The following ESR1 variants were observed in gnomAD, a reference collection of about 807,000 sequenced individuals.
ESR1 encodes the protein estrogen receptor.
A neutral mutation model predicts 52.7 loss-of-function variants in ESR1; 12 were observed. That is an observed-to-expected ratio of 0.23 (90% CI 0.15 to 0.37). The LOEUF is 0.37. Among genes scored for constraint, ESR1 ranks in the 10% least tolerant of loss-of-function variants. The pLI, the probability that ESR1 is intolerant of heterozygous loss-of-function variation, is 1.00. For missense variants in ESR1, 584 were observed against 779.7 expected, an observed-to-expected ratio of 0.75 and a Z score of 2.99; for synonymous variants, 305 against 316.8, an observed-to-expected ratio of 0.96 and a Z score of 0.39.
intron 2 of ESR1, among the ~76,000 whole-genome samples, chr6:151,787,493 C>T (rs1787135002): frequency 6.6e-6 from 1 of 151,804 alleles, no homozygotes; most frequent in Non-Finnish European, 1.5e-5. Flanking sequence ...ATGTTTTTTC[C>T]ATTTGTTTGT....
At chr6:151,798,842 A>G (rs1285418728) in intron 2 of ESR1, among the ~76,000 whole-genome samples, 1 of 152,368 alleles carries the variant, frequency 6.6e-6, no homozygotes, top group African/African-American at 2.4e-5. Flanking sequence ...TTATACAGAT[A>G]TAAGCATGAG....
intron 1 of ESR1, among the ~76,000 whole-genome samples, chr6:151,694,879 G>T (rs776590708): frequency 6.6e-6 from 1 of 152,168 alleles, no homozygotes; most frequent in Non-Finnish European, 1.5e-5. Context: ...AGTGAATGAG[G>T]GTTCACCTGG....
intron 1 of ESR1, among the ~76,000 whole-genome samples, chr6:151,684,171 G>A (rs1440883517): frequency 6.6e-6 from 1 of 152,066 alleles, no homozygotes; most frequent in African/African-American, 2.4e-5. Flanking sequence ...GGGTAGAATA[G>A]GATGATGTTG....
chr6:151,690,174 C>T (rs1025100300), upstream of ESR1, among the ~76,000 whole-genome samples: 1 of 152,152 alleles, frequency 6.6e-6, no homozygotes, highest in Non-Finnish European at 1.5e-5. Context: ...TTAGCTGTAG[C>T]TAACTTTGGA....
intron 4 of ESR1, among the ~76,000 whole-genome samples, chr6:151,957,926 A>C (rs899421422): frequency 1.4e-4 from 21 of 152,166 alleles, no homozygotes; most frequent in Middle Eastern, 6.3e-3. Flanking sequence ...CTGACCTTCG[A>C]TTCCCTTATC....
intron 4 of ESR1, among the ~76,000 whole-genome samples, chr6:151,988,708 C>T (rs543987499): frequency 9.9e-5 from 15 of 152,084 alleles, no homozygotes; most frequent in East Asian, 1.9e-4. Context: ...GAAACCTGCA[C>T]GTGTACTCCA....
chr6:152,022,690 G>T (rs1183999337), intron 5 of ESR1, among the ~76,000 whole-genome samples: 1 of 152,116 alleles, frequency 6.6e-6, no homozygotes, highest in Non-Finnish European at 1.5e-5. Context: ...AAAAAGGATG[G>T]GCCGGGTGCA....
At chr6:152,028,451 C>A (rs1218551303) in intron 5 of ESR1, among the ~76,000 whole-genome samples, 2 of 152,192 alleles carry the variant, frequency 1.3e-5, no homozygotes, top group African/African-American at 4.8e-5. Flanking sequence ...CACCCTAATA[C>A]TGGGCTTTTC....
chr6:152,050,335 T>C (rs2046580658), intron 5 of ESR1, among the ~76,000 whole-genome samples: 1 of 152,212 alleles, frequency 6.6e-6, no homozygotes, highest in Non-Finnish European at 1.5e-5. Flanking sequence ...CTTAAGGTAA[T>C]GGACCAAAAG....
chr6:151,808,522 G>A (rs903732865), intron 1 of ESR1, among the ~76,000 whole-genome samples, 158 bp downstream of exon 1: 1 of 152,106 alleles, frequency 6.6e-6, no homozygotes, highest in South Asian at 2.1e-4. Flanking sequence ...CCCAGCCCGG[G>A]GGTTCTGCGT....
At chr6:152,000,569 C>G (rs144344272) in intron 4 of ESR1, among the ~76,000 whole-genome samples, 320 of 151,996 alleles carry the variant, frequency 2.1e-3, no homozygotes, top group African/African-American at 7.4e-3. Context: ...TAATGATTTC[C>G]TGAGATAAGT....
chr6:151,815,827 C>A (rs1037067208), intron 1 of ESR1, among the ~76,000 whole-genome samples: 1 of 152,208 alleles, frequency 6.6e-6, no homozygotes, highest in Non-Finnish European at 1.5e-5. Flanking sequence ...GAGCAAGGCT[C>A]ACTTCTCCTT....
chr6:151,997,261 T>A (rs2041578754), intron 4 of ESR1, among the ~76,000 whole-genome samples: 1 of 152,138 alleles, frequency 6.6e-6, no homozygotes, highest in African/African-American at 2.4e-5. Flanking sequence ...TATTTATTTT[T>A]AAATCCATTC....
intron 2 of ESR1, among the ~76,000 whole-genome samples, chr6:151,738,810 T>C (rs567985972): frequency 1.3e-5 from 2 of 152,206 alleles, no homozygotes; most frequent in African/African-American, 4.8e-5. Context: ...GTAGTCAAAG[T>C]AGGCTTAATT....
intron 4 of ESR1, among the ~76,000 whole-genome samples, chr6:151,982,198 G>A (rs2040055101): frequency 6.6e-6 from 1 of 152,182 alleles, no homozygotes; most frequent in African/African-American, 2.4e-5. Flanking sequence ...TAAACGCCAG[G>A]GAAAAAGAGG....
chr6:151,718,528 A>G (rs185016224), intron 2 of ESR1, among the ~76,000 whole-genome samples: 22 of 152,358 alleles, frequency 1.4e-4, no homozygotes, highest in Non-Finnish European at 2.8e-4. Flanking sequence ...GTGAAAAATT[A>G]TACCAGGACT....
At chr6:152,063,867 G>A (rs976341497) in intron 6 of ESR1, among the ~76,000 whole-genome samples, 2 of 152,156 alleles carry the variant, frequency 1.3e-5, no homozygotes, top group East Asian at 3.9e-4. Context: ...AGTCGCCAAG[G>A]TCTGAGGAGG....
chr6:151,721,978 C>G (rs1305738480), intron 2 of ESR1, among the ~76,000 whole-genome samples: 1 of 152,190 alleles, frequency 6.6e-6, no homozygotes, highest in Non-Finnish European at 1.5e-5. Context: ...TGATACCAGG[C>G]AAAGTGATTT....
intron 2 of ESR1, among the ~76,000 whole-genome samples, chr6:151,876,240 G>A (rs892212732): frequency 2.0e-5 from 3 of 152,110 alleles, no homozygotes; most frequent in Non-Finnish European, 4.4e-5. Context: ...GAAGTGAATA[G>A]GAACAGACTG....
Sources: allele counts gnomAD v4.1 joint callset (sites outside exome capture counted in the v4.1 genomes callset), GRCh38; gene constraint gnomAD v4.1.1; transcripts MANE v1.5; gene names NCBI Gene and HGNC (gene_info 2026-07-23, HGNC 2026-07-21).